CEMIP: variants seen among roughly 807,000 people sequenced by gnomAD.
The protein encoded by CEMIP is cell migration-inducing and hyaluronan-binding protein.
CEMIP carries 105 observed loss-of-function variants against 156.9 expected under a neutral mutation model. The observed-to-expected ratio is 0.67, with a 90% CI of 0.57 to 0.79. The LOEUF is 0.79. CEMIP is among the 30% of genes least tolerant of loss of function. The pLI is 0.00. For synonymous variants in CEMIP, 676 were observed against 668.4 expected (o/e 1.01, Z -0.17); for missense variants, 1,457 against 1,769.4 (o/e 0.82, Z 3.17).
At chr15:80,904,257 G>A (rs369385131) in intron 12 of CEMIP, among the ~76,000 whole-genome samples, 5 of 152,198 alleles carry the variant, frequency 3.3e-5, no homozygotes, top group African/African-American at 1.2e-4. Flanking sequence ...TGGGTGTGGT[G>A]GCACCCACCT....
chr15:80,788,473 A>C (rs1168687081), intron 1 of CEMIP, among the ~76,000 whole-genome samples: 4 of 115,064 alleles, frequency 3.5e-5, no homozygotes, highest in Admixed American at 7.6e-5. Context: ...CTCCATCTCA[A>C]AAAAAAAAAA....
chr15:80,905,020 C>T (rs1413052161), intron 12 of CEMIP, among the ~76,000 whole-genome samples: 1 of 152,190 alleles, frequency 6.6e-6, no homozygotes, highest in African/African-American at 2.4e-5. Flanking sequence ...GAAGAGTAAA[C>T]ATCCCTAGAA....
At chr15:80,823,829 C>G (rs1404147737) in intron 1 of CEMIP, among the ~76,000 whole-genome samples, 1 of 152,238 alleles carries the variant, frequency 6.6e-6, no homozygotes, top group Non-Finnish European at 1.5e-5. Flanking sequence ...ATGGACCTTT[C>G]TTTCACATTT....
At chr15:80,788,837 T>C (rs1216862380) in intron 1 of CEMIP, among the ~76,000 whole-genome samples, 2 of 151,952 alleles carry the variant, frequency 1.3e-5, no homozygotes, top group Non-Finnish European at 2.9e-5. Context: ...AGCCCCATGC[T>C]CACGGCCAGA....
chr15:80,942,416 T>C, intron 27 of CEMIP, 79 bp downstream of exon 27: 2 of 1,240,006 alleles, frequency 1.6e-6, no homozygotes, highest in Admixed American at 3.4e-5. Flanking sequence ...CTGGCACAAA[T>C]TACTGCAAAC....
At position 80,786,352 on chromosome 15, in the gene CEMIP, C is replaced by A. The variant is rs559392265; in HGVS notation, c.-176+6738C>A. Among the ~76,000 whole-genome samples the A allele has an allele frequency of 3.2e-4, 49 of 152,136 alleles. No individual in the cohort carries two copies. In the South Asian group the frequency reaches 0.01, roughly 32 times the overall value. ...CCTAGGCTCAGGTGATCCTCAAGCCCCCCAAGTAGCTGGGACTAATTTTAG... is the reference window on the plus strand; with the variant it reads ...CCTAGGCTCAGGTGATCCTCAAGCCACCCAAGTAGCTGGGACTAATTTTAG... On this transcript the variant is annotated intron_variant, in intron 1 of 29. Coordinates refer to ENST00000394685, the MANE Select transcript of CEMIP (RefSeq NM_001293298.2).
intron 29 of CEMIP, chr15:80,947,270 A>T: frequency 3.8e-6 from 2 of 530,632 alleles, no homozygotes; most frequent in East Asian, 6.0e-5. Flanking sequence ...ACTGCAGCAA[A>T]TTTATTATAA....
At chr15:80,892,872 C>A (rs1899078410) in intron 10 of CEMIP, among the ~76,000 whole-genome samples, 1 of 152,166 alleles carries the variant, frequency 6.6e-6, no homozygotes, top group Non-Finnish European at 1.5e-5. Context: ...GAAAAGTGGC[C>A]CATACATTTT....
Position 80,906,887 on chromosome 15 carries a change from A to G in CEMIP, c.1587+49A>G. 1.9e-6 allele frequency: 3 copies of G among 1,565,558 alleles called. No homozygotes were observed. Among genetic ancestry groups the G allele is most frequent in the Non-Finnish European group, 2.6e-6 (3 of 1,152,098 alleles). ...TTTCAACCCAACCAGGAGAGTTCCTATGATGTCAGCCTCTAGACGGGCCTT... is the reference window on the plus strand; with the variant it reads ...TTTCAACCCAACCAGGAGAGTTCCTGTGATGTCAGCCTCTAGACGGGCCTT... On this transcript the variant is annotated intron_variant, in intron 13 of 29. Coordinates refer to ENST00000394685, the MANE Select transcript of CEMIP (RefSeq NM_001293298.2). This position sits in a 1 kb window ranked among gnomAD's most constrained non-coding sequence, Gnocchi z 4.3.
chr15:80,870,634 A>AGAGCAACGCCAGC (rs1322311039), intron 1 of CEMIP, among the ~76,000 whole-genome samples: 1 of 152,092 alleles, frequency 6.6e-6, no homozygotes, highest in African/African-American at 2.4e-5. Context: ...GGAGAAGCAG[A>AGAGCAACGCCAGC]GAGCAACGCC....
chr15:80,872,087 C>G (rs1160644364), intron 1 of CEMIP, among the ~76,000 whole-genome samples: 2 of 152,346 alleles, frequency 1.3e-5, no homozygotes, highest in East Asian at 1.9e-4. Context: ...TTTCAGTCCC[C>G]TTGCCTGTCC....
At chr15:80,903,398 G>A (rs1899657083) in intron 12 of CEMIP, among the ~76,000 whole-genome samples, 1 of 152,280 alleles carries the variant, frequency 6.6e-6, no homozygotes, top group South Asian at 2.1e-4. Context: ...TGAGAAGGAG[G>A]AACTGGAGCT....
chr15:80,834,019 G>T (rs1393978041), intron 1 of CEMIP, among the ~76,000 whole-genome samples: 1 of 152,110 alleles, frequency 6.6e-6, no homozygotes, highest in Non-Finnish European at 1.5e-5. Context: ...TGTTTTGGCG[G>T]GCTATTCTGT....
intron 6 of CEMIP, among the ~76,000 whole-genome samples, chr15:80,882,888 A>G (rs1443885728): frequency 6.6e-6 from 1 of 152,166 alleles, no homozygotes; most frequent in Non-Finnish European, 1.5e-5. Context: ...GATCAGGTAC[A>G]GAAAAGGTGG....
chr15:80,856,864 G>A (rs1272350510), intron 1 of CEMIP, among the ~76,000 whole-genome samples: 1 of 152,080 alleles, frequency 6.6e-6, no homozygotes, highest in East Asian at 1.9e-4. Flanking sequence ...TATAGCCCAG[G>A]GCTGTAAATT....
chr15:80,933,304 T>C lies in CEMIP; in HGVS notation c.2853T>C (p.Asp951=). 6.2e-7 allele frequency: 1 copy of C among 1,614,142 alleles called. No individual in the cohort carries two copies. The highest frequency in any genetic ancestry group is 8.5e-7 in the Non-Finnish European group (1 of 1,180,022). Residue 951 remains aspartate (D), a synonymous_variant, in exon 23 of 30, where the codon GAT becomes GAC. Coordinates refer to ENST00000394685, the MANE Select transcript of CEMIP (RefSeq NM_001293298.2). Reference sequence around the variant, plus strand: ...CCTGGTTCAACCAGCTGGACATGGATGGGGATAAGACATCTGTGTTCCATG... The same window carrying C: ...CCTGGTTCAACCAGCTGGACATGGACGGGGATAAGACATCTGTGTTCCATG... The part of the protein sequence containing the change: ...PGPWFNQLDM[D]GDKTSVFHDV...
chr15:80,923,794 T>G (rs897470473), intron 17 of CEMIP, among the ~76,000 whole-genome samples: 1 of 152,094 alleles, frequency 6.6e-6, no homozygotes, highest in East Asian at 1.9e-4. Context: ...TCCTGTGACA[T>G]AGGTATCACT....
At chr15:80,900,585 GGTGTGTGTGTGT>G (rs57724852) in intron 12 of CEMIP, among the ~76,000 whole-genome samples, 1,474 of 74,960 alleles carry the variant, frequency 0.02, 9 homozygotes, top group Middle Eastern at 0.057. Flanking sequence ...CCCAGGTAGG[GGTGTGTGTGTGT>G]GTGTGTGTGT....
chr15:80,797,580 G>A (rs1896262898), intron 1 of CEMIP, among the ~76,000 whole-genome samples: 1 of 152,236 alleles, frequency 6.6e-6, no homozygotes, highest in South Asian at 2.1e-4. Flanking sequence ...CAAGTGTCTT[G>A]TCTTAGTCAA....
Sources: allele counts gnomAD v4.1 joint callset (sites outside exome capture counted in the v4.1 genomes callset), GRCh38; gene constraint gnomAD v4.1.1; non-coding constraint Gnocchi (gnomAD v3.1); transcripts MANE v1.5; gene names NCBI Gene and HGNC (gene_info 2026-07-23, HGNC 2026-07-21).